LINGO2: variants seen among roughly 807,000 people sequenced by gnomAD.
LINGO2 encodes the protein leucine-rich repeat and immunoglobulin-like domain-containing nogo receptor-interacting protein 2.
LINGO2 carries 14 observed loss-of-function variants against 30.6 expected under a neutral mutation model. That is an observed-to-expected ratio of 0.46 (90% CI 0.30 to 0.72). The LOEUF is 0.72. LINGO2 is among the 30% of genes least tolerant of loss of function. The pLI is 0.07. For missense variants in LINGO2, 729 were observed against 751.7 expected (o/e 0.97, Z 0.35); for synonymous variants, 317 against 288.5 (o/e 1.10, Z -1.00).
At chr9:28,695,101 A>G in the LINGO2 span, among the ~76,000 whole-genome samples, 1 of 151,938 alleles carries the variant, frequency 6.6e-6, no homozygotes, top group African/African-American at 2.4e-5. Context: ...GTACAGAACA[A>G]GAAAACATTT....
the LINGO2 span, among the ~76,000 whole-genome samples, chr9:28,827,120 A>G: frequency 2.6e-5 from 4 of 152,214 alleles, no homozygotes; most frequent in Admixed American, 6.5e-5. Flanking sequence ...GAGGCACAGC[A>G]TATAGTAATA....
the LINGO2 span, among the ~76,000 whole-genome samples, chr9:28,971,678 A>G: frequency 6.6e-6 from 1 of 152,202 alleles, no homozygotes; most frequent in Non-Finnish European, 1.5e-5. Context: ...AGTCCTTGAC[A>G]CTCAGATGGC....
intron 2 of LINGO2, among the ~76,000 whole-genome samples, chr9:28,443,520 G>T (rs528825576): frequency 3.0e-4 from 45 of 152,230 alleles, no homozygotes; most frequent in Non-Finnish European, 5.6e-4. Flanking sequence ...TACCCCCTCA[G>T]GCTTGATGTG....
chr9:28,039,516 T>G (rs1042577610), intron 4 of LINGO2, among the ~76,000 whole-genome samples: 1 of 152,150 alleles, frequency 6.6e-6, no homozygotes, highest in Non-Finnish European at 1.5e-5. Context: ...GGTGTGTGTG[T>G]GTGTATGTAA....
At chr9:28,196,796 G>T (rs921054465) in intron 4 of LINGO2, among the ~76,000 whole-genome samples, 14 of 151,820 alleles carry the variant, frequency 9.2e-5, no homozygotes, top group African/African-American at 3.4e-4. Flanking sequence ...AAATAAGTCA[G>T]GTATAGAAAT....
At position 28,178,059 on chromosome 9, in the gene LINGO2, A is replaced by G. The variant is rs145607900; in HGVS notation, c.-87+117149T>C. Among the ~76,000 whole-genome samples the G allele has an allele frequency of 6.8e-4, 104 of 152,260 alleles. 1 individual carries two copies. Among genetic ancestry groups the G allele is most frequent in the African/African-American group, 2.4e-3 (99 of 41,556 alleles). ...TTTTACTGCCCTCTGCACAGATGCT[A>G]AAGTCCTAGGAGCTATGAAGCCTAC... On this transcript the variant is annotated intron_variant, in intron 4 of 5. Transcript: ENST00000379992.
chr9:28,558,304 T>TCA (rs1391221174), intron 1 of LINGO2, among the ~76,000 whole-genome samples: 2 of 151,964 alleles, frequency 1.3e-5, no homozygotes, highest in Non-Finnish European at 2.9e-5. Flanking sequence ...TACAGAAGAT[T>TCA]CATACATTTT....
chr9:29,148,486 C>A, the LINGO2 span, among the ~76,000 whole-genome samples: 114 of 152,128 alleles, frequency 7.5e-4, no homozygotes, highest in Non-Finnish European at 1.4e-3. Flanking sequence ...TATAGTGGCC[C>A]CCCTATAATC....
chr9:28,091,138 C>A (rs1037752754), intron 4 of LINGO2, among the ~76,000 whole-genome samples: 44 of 152,260 alleles, frequency 2.9e-4, no homozygotes, highest in Non-Finnish European at 5.1e-4. Context: ...GGCCATATTG[C>A]CCAAGGTAAT....
chr9:28,449,702 T>C (rs1347369438), intron 2 of LINGO2, among the ~76,000 whole-genome samples: 3 of 152,032 alleles, frequency 2.0e-5, no homozygotes, highest in African/African-American at 7.2e-5. Flanking sequence ...AAGGCAGACT[T>C]GGAATGTTTC....
chr9:29,037,388 A>G, the LINGO2 span, among the ~76,000 whole-genome samples: 2 of 151,918 alleles, frequency 1.3e-5, no homozygotes, highest in Non-Finnish European at 2.9e-5. Flanking sequence ...GTGACATGAT[A>G]ATTGAAGTTT....
At chr9:28,314,965 G>A (rs578006942) in intron 3 of LINGO2, among the ~76,000 whole-genome samples, 9 of 148,630 alleles carry the variant, frequency 6.1e-5, no homozygotes, top group South Asian at 4.2e-4. Context: ...AGCCGAGATC[G>A]CGCCACTCCA....
intron 1 of LINGO2, among the ~76,000 whole-genome samples, chr9:28,610,288 A>C (rs951913770): frequency 1.3e-5 from 2 of 152,214 alleles, no homozygotes; most frequent in African/African-American, 4.8e-5. Flanking sequence ...TGTTTTTATC[A>C]GATTAGTAAT....
In LINGO2 at chr9:28,630,171, T is replaced by A. The variant is rs76057742; in HGVS notation, c.-365+40029A>T. Among the ~76,000 whole-genome samples, 24 of 151,886 alleles carry A rather than the reference T, an allele frequency of 1.6e-4. 1 individual carries two copies. The highest frequency in any genetic ancestry group is 2.1e-4 in the South Asian group (1 of 4,818). On this transcript the variant is annotated intron_variant, in intron 1 of 5. Coordinates refer to ENST00000379992, the Ensembl canonical transcript of LINGO2. Reference sequence around the variant, plus strand: ...GCACATGTATACATATGTAACTAACTTGCACAATGTGCACATGTACCCTAA... The same window carrying A: ...GCACATGTATACATATGTAACTAACATGCACAATGTGCACATGTACCCTAA...
At chr9:28,362,115 G>A (rs550355952) in intron 3 of LINGO2, among the ~76,000 whole-genome samples, 13 of 152,314 alleles carry the variant, frequency 8.5e-5, no homozygotes, top group African/African-American at 2.2e-4. Context: ...AAAGCTGGAC[G>A]TGGAAATATG....
chr9:28,086,525 G>T (rs1304279617), intron 4 of LINGO2, among the ~76,000 whole-genome samples: 1 of 152,000 alleles, frequency 6.6e-6, no homozygotes, highest in Non-Finnish European at 1.5e-5. Flanking sequence ...TTGAACCTCA[G>T]GAGATCCCAA....
chr9:28,650,382 G>A (rs1436325290), intron 1 of LINGO2, among the ~76,000 whole-genome samples: 1 of 152,142 alleles, frequency 6.6e-6, no homozygotes, highest in Non-Finnish European at 1.5e-5. Context: ...ATTCGCAAAT[G>A]TAGTGCTGGT....
At chr9:28,307,328 C>T (rs1824409464) in intron 3 of LINGO2, among the ~76,000 whole-genome samples, 1 of 152,082 alleles carries the variant, frequency 6.6e-6, no homozygotes, top group Non-Finnish European at 1.5e-5. Context: ...AAGACAAAAA[C>T]CACATGATTA....
At chr9:28,848,413 A>G in the LINGO2 span, among the ~76,000 whole-genome samples, 2 of 132,908 alleles carry the variant, frequency 1.5e-5, no homozygotes, top group South Asian at 2.3e-4. Context: ...ATATATATAT[A>G]TATATATATA....
Sources: gnomAD v4.1 joint callset for allele counts (sites outside exome capture counted in the v4.1 genomes callset) on GRCh38, gnomAD v4.1.1 for gene constraint, MANE v1.5 for transcripts, NCBI Gene and HGNC (gene_info 2026-07-23, HGNC 2026-07-21) for gene names.